Variants in COL21A1 observed in about 807,000 individuals in gnomAD.
The protein encoded by COL21A1 is collagen type XXI alpha 1 chain.
A neutral mutation model predicts 137.9 loss-of-function variants in COL21A1; 149 were observed. That is an observed-to-expected ratio of 1.08 (90% CI 0.95 to 1.24). COL21A1 has a LOEUF of 1.24. COL21A1 is among the 50% of genes most tolerant of loss of function. The pLI is 0.00. For missense variants in COL21A1, 1,167 were observed against 1,158.4 expected (o/e 1.01, Z -0.11); for synonymous variants, 456 against 391.5 (o/e 1.16, Z -1.95).
At chr6:56,170,397 A>G (rs999719122) in intron 5 of COL21A1, among the ~76,000 whole-genome samples, 2 of 151,918 alleles carry the variant, frequency 1.3e-5, no homozygotes, top group Admixed American at 1.3e-4. Flanking sequence ...TGGCTATTAT[A>G]ATTAAATGTG....
At chr6:56,154,130 G>A (rs148777657) in intron 10 of COL21A1, among the ~76,000 whole-genome samples, 43 of 152,214 alleles carry the variant, frequency 2.8e-4, no homozygotes, top group African/African-American at 9.4e-4. Flanking sequence ...GTGGGAGTGG[G>A]TTAGTTACCA....
At chr6:56,101,598 C>A in intron 16 of COL21A1, 73 bp from the exon 17 acceptor site, 1 of 1,007,198 alleles carries the variant, frequency 9.9e-7, no homozygotes, top group Non-Finnish European at 1.5e-6. Flanking sequence ...CAATATATAA[C>A]ATTACATATT....
In COL21A1 at chr6:56,179,465, A is replaced by C. The variant is rs9475589; in HGVS notation, c.640+113T>G. On this transcript the variant is annotated intron_variant, in intron 3 of 29. Coordinates refer to ENST00000244728, the MANE Select transcript of COL21A1 (RefSeq NM_030820.4). ...ACATTATAAATGTTGTAACATTATA[A>C]TTGACATTAAATATAACAATTTACA... 6.6e-3 allele frequency: 4,722 copies of C among 719,888 alleles called. 174 individuals carry two copies. In the African/African-American group the frequency reaches 0.076, roughly 12 times the overall value. 44.6% of individuals were successfully genotyped at this position (719,888 alleles called of 1,614,324 possible). A position where few individuals can be genotyped will look rare whatever the true frequency, so the allele number is the denominator to read the frequency against.
At chr6:56,195,139 A>G (rs1433571515) in intron 1 of COL21A1, among the ~76,000 whole-genome samples, 1 of 152,096 alleles carries the variant, frequency 6.6e-6, no homozygotes, top group African/African-American at 2.4e-5. Flanking sequence ...TGGCCTCTTG[A>G]CCTTGGATTT....
At chr6:56,230,963 C>A (rs1235034164) in intron 1 of COL21A1, 1 of 151,880 alleles carries the variant, frequency 6.6e-6, no homozygotes. Flanking sequence ...AACTGCCATG[C>A]TTTTTCCTAC....
chr6:56,234,098 A>C (rs1434205590), intron 1 of COL21A1, among the ~76,000 whole-genome samples: 1 of 151,858 alleles, frequency 6.6e-6, no homozygotes, highest in African/African-American at 2.4e-5. Context: ...CATGGTAAAA[A>C]CAGAAAACAT....
chr6:56,164,122 G>T (rs1582528374), intron 9 of COL21A1, among the ~76,000 whole-genome samples: 1 of 152,076 alleles, frequency 6.6e-6, no homozygotes, highest in African/African-American at 2.4e-5. Context: ...TTACCAGATT[G>T]TAAGGAAGTA....
At chr6:56,258,238 A>T (rs1453675603) in intron 1 of COL21A1, among the ~76,000 whole-genome samples, 1 of 152,128 alleles carries the variant, frequency 6.6e-6, no homozygotes, top group East Asian at 1.9e-4. Flanking sequence ...AGGAGCTAAT[A>T]ATTTATTTAT....
intron 1 of COL21A1, among the ~76,000 whole-genome samples, chr6:56,345,517 T>C (rs17224911): frequency 0.17 from 25,243 of 152,164 alleles, 2,255 homozygotes; most frequent in Non-Finnish European, 0.18. Flanking sequence ...AGTCAGTGGC[T>C]GAACTCAGAC....
At chr6:56,265,942 G>C (rs4715603) in intron 1 of COL21A1, among the ~76,000 whole-genome samples, 1 of 151,878 alleles carries the variant, frequency 6.6e-6, no homozygotes, top group African/African-American at 2.4e-5. Context: ...ATACACATTC[G>C]CAACTAAAGT....
At chr6:56,391,858 T>C (rs1486237742) in intron 1 of COL21A1, among the ~76,000 whole-genome samples, 2 of 151,984 alleles carry the variant, frequency 1.3e-5, no homozygotes, top group South Asian at 2.1e-4. Flanking sequence ...AGACAGAAAC[T>C]GTAATTAAAA....
rs546666687 is a variant in COL21A1 at position 56,308,450 on chromosome 6, A to T, written c.-39+85521T>A. Among the ~76,000 whole-genome samples the T allele has an allele frequency of 2.6e-5, 4 of 152,236 alleles. No homozygotes were observed. The South Asian group carries it at 8.3e-4, about 32-fold the overall frequency. ...AAGACAATAAATTAACCTTGAGTAC[A>T]TTATACTAGGTGACGTAAGCCAGTC... On this transcript the variant is annotated intron_variant, in intron 1 of 28. Coordinates refer to the COL21A1 transcript ENST00000370819.
chr6:56,099,169 A>G (rs372696496), intron 17 of COL21A1, among the ~76,000 whole-genome samples: 20 of 151,686 alleles, frequency 1.3e-4, no homozygotes, highest in Admixed American at 5.3e-4. Context: ...GGGAGAATGA[A>G]TTACAGATTC....
chr6:56,058,459 C>T (rs1765518070), intron 29 of COL21A1, among the ~76,000 whole-genome samples: 1 of 152,098 alleles, frequency 6.6e-6, no homozygotes, highest in Non-Finnish European at 1.5e-5. Flanking sequence ...TTCAAAATAA[C>T]AAAAAATATT....
rs756237287 is a variant in COL21A1 at position 56,141,832 on chromosome 6, G to A, written c.1495C>T (p.Arg499Ter). 1.1e-5 allele frequency: 17 copies of A among 1,613,358 alleles called. No homozygotes were observed. The highest frequency in any genetic ancestry group is 2.7e-5 in the African/African-American group (2 of 74,816). The change falls in exon 12 of 30, where the codon CGA (arginine) becomes TGA (stop). Residue 499 changes from arginine to a stop codon, truncating the protein, a stop_gained. Transcript: ENST00000244728. LOFTEE classifies it high-confidence loss of function. ...VPGSPGIQGA[R>*]GLPGYKGEPG... ...TCTCCTTTGTAACCTGGTAGTCCTC[G>A]AGCTCCCTAAATTAACCAGAAAATA... is the stretch of plus-strand genomic sequence containing the variant.
intron 1 of COL21A1, among the ~76,000 whole-genome samples, chr6:56,211,187 G>GTATATGTACATATACA (rs1561988549): frequency 2.3e-4 from 4 of 17,094 alleles, no homozygotes; most frequent in African/African-American, 5.8e-4. Flanking sequence ...ACATATATAT[G>GTATATGTACATATACA]TATATATGTA....
At chr6:56,317,226 G>A (rs1440037903) in intron 1 of COL21A1, among the ~76,000 whole-genome samples, 11 of 152,118 alleles carry the variant, frequency 7.2e-5, no homozygotes, top group Admixed American at 7.2e-4. Flanking sequence ...TGTAGTAAAG[G>A]TGAGAGTGAT....
intron 1 of COL21A1, among the ~76,000 whole-genome samples, chr6:56,261,803 C>T (rs533359363): frequency 6.6e-6 from 1 of 152,202 alleles, no homozygotes; most frequent in African/African-American, 2.4e-5. Context: ...TCAGTGGGAA[C>T]CTCTGCTCTA....
chr6:56,241,593 G>A (rs1479571899), intron 1 of COL21A1, among the ~76,000 whole-genome samples: 1 of 151,694 alleles, frequency 6.6e-6, no homozygotes, highest in East Asian at 1.9e-4. Flanking sequence ...AACAGGTGAT[G>A]ATCAATAGGG....
Sources: gnomAD v4.1 joint callset for allele counts (sites outside exome capture counted in the v4.1 genomes callset) on GRCh38, gnomAD v4.1.1 for gene constraint, MANE v1.5 for transcripts, NCBI Gene and HGNC (gene_info 2026-07-23, HGNC 2026-07-21) for gene names.